Variants in ZNF521 observed in about 807,000 individuals in gnomAD.
ZNF521 encodes LYST-interacting protein 3.
ZNF521 carries 14 observed loss-of-function variants against 105.5 expected under a neutral mutation model. The ratio of observed to expected loss-of-function variants is 0.13; its 90% CI spans 0.09 to 0.21. ZNF521 has a LOEUF of 0.21. ZNF521 is among the 10% of genes least tolerant of loss of function. The pLI is 1.00. For missense variants in ZNF521, 1,233 were observed against 1,629.7 expected, an observed-to-expected ratio of 0.76 and a Z score of 4.19; for synonymous variants, 635 against 606.0, an observed-to-expected ratio of 1.05 and a Z score of -0.70.
At chr18:25,325,245 T>C (rs561196021) in intron 2 of ZNF521, among the ~76,000 whole-genome samples, 1 of 152,214 alleles carries the variant, frequency 6.6e-6, no homozygotes, top group Admixed American at 6.5e-5. Context: ...TTTGCATCCC[T>C]AATGCCAGTT....
At chr18:25,101,332 T>C (rs771134889) in intron 5 of ZNF521, among the ~76,000 whole-genome samples, 3 of 152,074 alleles carry the variant, frequency 2.0e-5, no homozygotes, top group Non-Finnish European at 4.4e-5. Context: ...TGCATGGAAG[T>C]GGGTATCCTA....
intron 3 of ZNF521, among the ~76,000 whole-genome samples, chr18:25,270,392 T>C (rs138544358): frequency 0.031 from 4,698 of 152,080 alleles, 104 homozygotes; most frequent in Middle Eastern, 0.048. Context: ...TTCCAAACAA[T>C]AGAAAAAGAC....
At chr18:25,307,710 C>A (rs1912057709) in intron 3 of ZNF521, among the ~76,000 whole-genome samples, 1 of 152,132 alleles carries the variant, frequency 6.6e-6, no homozygotes, top group African/African-American at 2.4e-5. Context: ...ATGCCACTTC[C>A]AGGATGAAGT....
chr18:25,206,535 T>C (rs1321082893), intron 4 of ZNF521, among the ~76,000 whole-genome samples: 1 of 152,178 alleles, frequency 6.6e-6, no homozygotes, highest in Non-Finnish European at 1.5e-5. Context: ...GTAGTTTTTG[T>C]GTCTTACCTA....
chr18:25,089,916 CAGGTTA>C (rs1372679066), intron 6 of ZNF521, among the ~76,000 whole-genome samples: 1 of 152,206 alleles, frequency 6.6e-6, no homozygotes, highest in Non-Finnish European at 1.5e-5. Context: ...CAGCAACCCA[CAGGTTA>C]AGAAATCATA....
At chr18:25,273,220 CAAAA>C (rs67381140) in intron 3 of ZNF521, among the ~76,000 whole-genome samples, 239 of 40,842 alleles carry the variant, frequency 5.9e-3, no homozygotes, top group East Asian at 0.029. Context: ...ACCCTGTCTC[CAAAA>C]AAAAAAAAAA....
intron 2 of ZNF521, among the ~76,000 whole-genome samples, chr18:25,341,638 T>G (rs4402647): frequency 0.46 from 69,285 of 152,024 alleles, 16,144 homozygotes; most frequent in Middle Eastern, 0.51. Flanking sequence ...AGCTAGCAAT[T>G]CTTAAAAAGT....
rs1279359628 is a variant in ZNF521, at chr18:25,227,010, A to C, written c.908T>G (p.Val303Gly). The change falls in exon 4 of 8, where the codon GTG becomes GGG. Residue 303 changes from valine (V) to glycine (G), a missense_variant. This residue lies in a region of ZNF521 where 380 missense variants were observed against 478.0 expected (regional missense o/e 0.80). Coordinates refer to ENST00000361524, the MANE Select transcript of ZNF521 (RefSeq NM_015461.3). This position sits in a 1 kb window ranked among gnomAD's most constrained non-coding sequence, Gnocchi z 5.7. ...ETSLMNHMEQ[V>G]HSGEKKNSCS... ...TGAGTTCTTCTTCTCCCCGCTATGC[A>C]CCTGCTCCATGTGGTTCATGAGGGA... is the stretch of plus-strand genomic sequence containing the variant. The C allele has an allele frequency of 4.2e-5, 67 of 1,614,122 alleles. No individual in the cohort carries two copies. Among genetic ancestry groups the C allele is most frequent in the Non-Finnish European group, 5.7e-5 (67 of 1,180,004 alleles).
chr18:25,272,781 G>T (rs1260487133), intron 3 of ZNF521, among the ~76,000 whole-genome samples: 1 of 152,014 alleles, frequency 6.6e-6, no homozygotes, highest in Non-Finnish European at 1.5e-5. Context: ...GGGTTGGGGA[G>T]GGATAGCATT....
intron 5 of ZNF521, among the ~76,000 whole-genome samples, chr18:25,125,240 A>G (rs2034517385): frequency 6.6e-6 from 1 of 152,150 alleles, no homozygotes; most frequent in African/African-American, 2.4e-5. Flanking sequence ...ATGATAGACA[A>G]TAATCCATTG....
chr18:25,248,598 C>G (rs74916996), intron 3 of ZNF521, among the ~76,000 whole-genome samples: 4,685 of 152,248 alleles, frequency 0.031, 102 homozygotes, highest in Middle Eastern at 0.048. Flanking sequence ...GTGTACTTTT[C>G]TAGCTTTATT....
At chr18:25,330,178 T>C (rs1913484490) in intron 2 of ZNF521, among the ~76,000 whole-genome samples, 1 of 130,040 alleles carries the variant, frequency 7.7e-6, no homozygotes, top group African/African-American at 2.8e-5. Flanking sequence ...TTTTCTTTTT[T>C]TTTTGAGACA....
At chr18:25,299,625 T>C (rs1387983987) in intron 3 of ZNF521, among the ~76,000 whole-genome samples, 1 of 152,148 alleles carries the variant, frequency 6.6e-6, no homozygotes, top group Non-Finnish European at 1.5e-5. Flanking sequence ...ACCACCACAG[T>C]TGACTAATGC....
At chr18:25,174,660 G>A (rs2035504948) in intron 5 of ZNF521, among the ~76,000 whole-genome samples, 1 of 152,268 alleles carries the variant, frequency 6.6e-6, no homozygotes, top group Middle Eastern at 3.4e-3. Flanking sequence ...CATTACTGTA[G>A]ATACAGTAAT....
At chr18:25,155,574 C>G (rs1203011987) in intron 5 of ZNF521, among the ~76,000 whole-genome samples, 1 of 151,960 alleles carries the variant, frequency 6.6e-6, no homozygotes, top group Non-Finnish European at 1.5e-5. Flanking sequence ...GGTCTTTTAT[C>G]CATTTTGAGT....
intron 5 of ZNF521, among the ~76,000 whole-genome samples, chr18:25,120,385 C>T (rs2034409716): frequency 6.6e-6 from 1 of 152,278 alleles, no homozygotes; most frequent in African/African-American, 2.4e-5. Context: ...GAGTTCAAGA[C>T]CAGCCTGGCC....
chr18:25,151,274 G>C (rs1293541003), intron 5 of ZNF521, among the ~76,000 whole-genome samples: 2 of 151,974 alleles, frequency 1.3e-5, no homozygotes, highest in African/African-American at 4.8e-5. Context: ...TTCTTCCTTG[G>C]CCTTCCTGGG....
intron 5 of ZNF521, among the ~76,000 whole-genome samples, chr18:25,190,801 T>C (rs1568001959): frequency 1.3e-5 from 2 of 152,210 alleles, no homozygotes; most frequent in Non-Finnish European, 2.9e-5. Context: ...TGCCTTGACA[T>C]CAGTGATATA....
chr18:25,135,666 G>A (rs181867868), intron 5 of ZNF521, among the ~76,000 whole-genome samples: 136 of 152,202 alleles, frequency 8.9e-4, no homozygotes, highest in African/African-American at 3.1e-3. Flanking sequence ...GGGCCCCTTG[G>A]GGGACTCCTT....
Sources: gnomAD v4.1 joint callset for allele counts (sites outside exome capture counted in the v4.1 genomes callset) on GRCh38, gnomAD v4.1.1 for gene constraint, gnomAD v4.1.1 regional missense constraint, Gnocchi (gnomAD v3.1) non-coding constraint, MANE v1.5 for transcripts, NCBI Gene and HGNC (gene_info 2026-07-23, HGNC 2026-07-21) for gene names.